Variants in NXN observed in about 807,000 individuals in gnomAD.
NXN encodes nucleoredoxin, also known as nucleoredoxin 1.
In NXN, 16 loss-of-function variants were observed where a neutral mutation model predicts 48.6. That is an observed-to-expected ratio of 0.33 (90% CI 0.22 to 0.50). The LOEUF (loss-of-function observed/expected upper bound fraction) is 0.50, where lower values mean the gene tolerates loss of function less well. Ranked by LOEUF, NXN falls within the 20% of genes least tolerant of loss-of-function variation. The probability of loss-of-function intolerance (pLI) is 0.98; values close to 1 mark genes in which losing one functional copy is unlikely to be tolerated. For synonymous variants in NXN, 281 were observed against 269.6 expected, an observed-to-expected ratio of 1.04 and a Z score of -0.41; for missense variants, 492 against 605.5, an observed-to-expected ratio of 0.81 and a Z score of 1.97.
intron 7 of NXN, among the ~76,000 whole-genome samples, chr17:801,474 C>T (rs1345874275): frequency 1.9e-5 from 2 of 103,488 alleles, no homozygotes; most frequent in Admixed American, 1.5e-4. Flanking sequence ...GAGATGGAGT[C>T]TCGCTCTGTC....
chr17:946,391 T>C (rs2150611721), intron 1 of NXN, among the ~76,000 whole-genome samples: 1 of 152,214 alleles, frequency 6.6e-6, no homozygotes, highest in South Asian at 2.1e-4. Context: ...ATGGTCTTGA[T>C]CTCTTGACCT....
At chr17:911,575 C>T (rs2068637025) in intron 1 of NXN, among the ~76,000 whole-genome samples, 1 of 151,856 alleles carries the variant, frequency 6.6e-6, no homozygotes, top group Non-Finnish European at 1.5e-5. Flanking sequence ...GTGATCCACC[C>T]GTCTCAGCCT....
intron 1 of NXN, among the ~76,000 whole-genome samples, chr17:868,834 C>G (rs1465072598): frequency 1.3e-5 from 2 of 152,170 alleles, no homozygotes; most frequent in African/African-American, 4.8e-5. Context: ...GTGCCAGCAC[C>G]GACCCTGGGC....
chr17:890,941 G>A (rs865798568), intron 1 of NXN, among the ~76,000 whole-genome samples: 36 of 152,220 alleles, frequency 2.4e-4, no homozygotes, highest in African/African-American at 7.5e-4. Context: ...CCTGCTTCAC[G>A]AATACGGCCC....
At chr17:924,355 G>GC (rs1222334580) in intron 1 of NXN, among the ~76,000 whole-genome samples, 2 of 152,198 alleles carry the variant, frequency 1.3e-5, no homozygotes, top group African/African-American at 2.4e-5. Flanking sequence ...TCCTGCCTCA[G>GC]CCCCCCGCGT....
rs2069291396 is a variant in NXN, at chr17:965,517, C to G, written c.360+13802G>C. ...GTGAGGGCCTCCTACAATAAACATG[C>G]TGATCACACCGAGGAGTGTGGGCTG... On this transcript the variant is annotated intron_variant, in intron 1 of 7. Coordinates refer to ENST00000336868, the MANE Select transcript of NXN (RefSeq NM_022463.5). Among the ~76,000 whole-genome samples, 5 of 152,288 alleles carry G rather than the reference C, an allele frequency of 3.3e-5. No individual in the cohort carries two copies. In the South Asian group the frequency reaches 1.0e-3, roughly 32 times the overall value.
chr17:861,760 T>G (rs964204746), intron 1 of NXN, among the ~76,000 whole-genome samples: 1 of 152,016 alleles, frequency 6.6e-6, no homozygotes, highest in Non-Finnish European at 1.5e-5. Context: ...GCAATAGATT[T>G]TTTTTTTTTT....
chr17:877,749 C>A (rs374709700), intron 1 of NXN, among the ~76,000 whole-genome samples: 2 of 152,256 alleles, frequency 1.3e-5, no homozygotes, highest in Admixed American at 1.3e-4. Flanking sequence ...TGAGTTAGAG[C>A]GACTGAAGAG....
At chr17:877,698 G>A (rs1381528012) in intron 1 of NXN, among the ~76,000 whole-genome samples, 5 of 152,230 alleles carry the variant, frequency 3.3e-5, no homozygotes, top group Admixed American at 6.5e-5. Flanking sequence ...CACACGCTCA[G>A]TGCTTTACAA....
At position 919,762 on chromosome 17, in the gene NXN, G is replaced by A. The variant is rs1023186880; in HGVS notation, c.360+59557C>T. The stretch of plus-strand genomic sequence containing the variant: ...CGCAGTCCAGAAAATACAACTAGGG[G>A]CAGAGCGGTCCGGCACAAAACACCA... On this transcript the variant is annotated intron_variant, in intron 1 of 7. Coordinates refer to ENST00000336868, the MANE Select transcript of NXN (RefSeq NM_022463.5). The surrounding 1 kb of genome is among the most constrained non-coding windows in gnomAD (Gnocchi z 5.1). 1.3e-5 allele frequency among the ~76,000 whole-genome samples: 2 copies of A among 152,052 alleles called. No individual in the cohort carries two copies. The highest frequency in any genetic ancestry group is 2.4e-5 in the African/African-American group (1 of 41,384).
In NXN at chr17:891,255, T is replaced by C. The variant is rs149862120; in HGVS notation, c.361-65177A>G. 5.6e-3 allele frequency among the ~76,000 whole-genome samples: 859 copies of C among 152,188 alleles called. 10 individuals are homozygous for C. The highest frequency in any genetic ancestry group is 0.02 in the African/African-American group (819 of 41,536). ...ATGCCCAGCTAATTTTTTGTAGAAA[T>C]GAGGTCTCATCATATTGCTGAGGCT... On this transcript the variant is annotated intron_variant, in intron 1 of 7. Transcript: ENST00000336868.
At chr17:851,222 C>G (rs897638091) in intron 1 of NXN, among the ~76,000 whole-genome samples, 1 of 152,234 alleles carries the variant, frequency 6.6e-6, no homozygotes, top group Non-Finnish European at 1.5e-5. Context: ...GGTGGGGAGG[C>G]CGGGGCCCAG....
intron 1 of NXN, among the ~76,000 whole-genome samples, chr17:863,026 C>A (rs190603774): frequency 6.6e-6 from 1 of 152,300 alleles, no homozygotes; most frequent in East Asian, 1.9e-4. Context: ...AAATGCCCCA[C>A]AGTATACTCA....
Position 836,082 on chromosome 17 carries a change from A to G in NXN, c.361-10004T>C, listed in dbSNP as rs534167189. On this transcript the variant is annotated intron_variant, in intron 1 of 7. Coordinates refer to ENST00000336868, the MANE Select transcript of NXN (RefSeq NM_022463.5). ...GTCAGCCCCCACAGAGGCCGCGGGG[A>G]AAAAACACCGGTGGGATTCGTCAGC... Among the ~76,000 whole-genome samples the G allele has an allele frequency of 2.2e-3, 125 of 56,606 alleles. 2 individuals carry two copies. The highest frequency in any genetic ancestry group is 8.8e-3 in the African/African-American group (87 of 9,836). The allele number at this position is 56,606 out of a possible 152,430, so 37.1% of individuals were successfully genotyped here.
At chr17:833,908 C>T (rs1913637617) in intron 1 of NXN, among the ~76,000 whole-genome samples, 1 of 152,204 alleles carries the variant, frequency 6.6e-6, no homozygotes, top group Non-Finnish European at 1.5e-5. Flanking sequence ...AAAAAAATCT[C>T]ACTCTCCCCG....
chr17:857,196 C>T (rs1398080609), intron 1 of NXN, among the ~76,000 whole-genome samples: 1 of 152,196 alleles, frequency 6.6e-6, no homozygotes, highest in East Asian at 1.9e-4. Flanking sequence ...ATGATCCTCA[C>T]AGATGGCGCC....
At chr17:905,916 G>A (rs967144664) in intron 1 of NXN, among the ~76,000 whole-genome samples, 3 of 151,198 alleles carry the variant, frequency 2.0e-5, no homozygotes, top group Non-Finnish European at 2.9e-5. Context: ...GGCAGAGGTC[G>A]CAGTGAGCCA....
intron 1 of NXN, among the ~76,000 whole-genome samples, chr17:916,019 T>C (rs1251964232): frequency 2.0e-5 from 3 of 152,190 alleles, no homozygotes; most frequent in African/African-American, 4.8e-5. Context: ...AAGGCAAAGA[T>C]AAAAACACTG....
At chr17:824,080 C>T (rs2144648220) in intron 2 of NXN, among the ~76,000 whole-genome samples, 1 of 150,700 alleles carries the variant, frequency 6.6e-6, no homozygotes, top group Non-Finnish European at 1.5e-5. Context: ...CACTCTGTCG[C>T]CCCGGCTGGA....
Sources: allele counts gnomAD v4.1 joint callset (sites outside exome capture counted in the v4.1 genomes callset), GRCh38; gene constraint gnomAD v4.1.1; non-coding constraint Gnocchi (gnomAD v3.1); transcripts MANE v1.5; gene names NCBI Gene and HGNC (gene_info 2026-07-23, HGNC 2026-07-21).